NFAT5: variants seen among roughly 807,000 people sequenced by gnomAD.
The protein encoded by NFAT5 is nuclear factor of activated T cells 5.
NFAT5 carries 31 observed loss-of-function variants against 166.5 expected under a neutral mutation model. The ratio of observed to expected loss-of-function variants is 0.19; its 90% CI spans 0.14 to 0.25. NFAT5 has a LOEUF of 0.25. NFAT5 is among the 10% of genes least tolerant of loss of function. The pLI, the probability that NFAT5 is intolerant of heterozygous loss-of-function variation, is 1.00. For missense variants in NFAT5, 1,449 were observed against 1,821.8 expected (o/e 0.80, Z 3.72); for synonymous variants, 612 against 639.7 (o/e 0.96, Z 0.65).
intron 5 of NFAT5, 141 bp from the exon 6 acceptor site, chr16:69,655,468 A>G (rs1315237605): frequency 5.7e-5 from 32 of 561,844 alleles, no homozygotes; most frequent in Admixed American, 4.0e-5. Flanking sequence ...AAAATGTTTT[A>G]TCTCTATTTT....
chr16:69,568,338 A>ATGTGTG (rs1567505195), intron 1 of NFAT5, among the ~76,000 whole-genome samples, 157 bp from the exon 2 acceptor site: 3 of 35,246 alleles, frequency 8.5e-5, no homozygotes, highest in African/African-American at 6.4e-4. Context: ...ATGTGTGTAT[A>ATGTGTG]TATATATATG....
intron 1 of NFAT5, among the ~76,000 whole-genome samples, chr16:69,567,339 A>G (rs1489681846): frequency 6.6e-6 from 1 of 152,210 alleles, no homozygotes; most frequent in Non-Finnish European, 1.5e-5. Context: ...CACCACAAGA[A>G]TGTGTCAGAA....
chr16:69,614,295 C>G (rs1273027072), intron 2 of NFAT5, among the ~76,000 whole-genome samples: 1 of 152,114 alleles, frequency 6.6e-6, no homozygotes, highest in Non-Finnish European at 1.5e-5. Context: ...GCTGCGATTA[C>G]AGGCACGAGC....
rs56221116 is a variant in NFAT5 at position 69,571,129 on chromosome 16, T to TAAAAAAAAAAAAAA, written c.127+2596_127+2609dup. Among the ~76,000 whole-genome samples the TAAAAAAAAAAAAAA allele has an allele frequency of 4.8e-4, 15 of 31,382 alleles. 5 individuals are homozygous for TAAAAAAAAAAAAAA. The highest frequency in any genetic ancestry group is 1.2e-3 in the African/African-American group (15 of 12,574). The allele number at this position is 31,382 out of a possible 152,430, so 20.6% of individuals were successfully genotyped here. A position where few individuals can be genotyped will look rare whatever the true frequency, so the allele number is the denominator to read the frequency against. On this transcript the variant is annotated intron_variant, in intron 2 of 14. Transcript: ENST00000349945. The stretch of plus-strand genomic sequence containing the variant: ...TAACATGGTGAAACCCCATCTCTAC[T>TAAAAAAAAAAAAAA]AAAAAAAAAAAAAAAAAAAAAAAAA...
chr16:69,656,039 T>C (rs2035861292), intron 6 of NFAT5, among the ~76,000 whole-genome samples: 1 of 152,080 alleles, frequency 6.6e-6, no homozygotes, highest in Non-Finnish European at 1.5e-5. Flanking sequence ...CCAGTGCTTT[T>C]GGAGTCTGAG....
At chr16:69,606,386 G>C (rs951682501) in intron 2 of NFAT5, among the ~76,000 whole-genome samples, 1 of 152,158 alleles carries the variant, frequency 6.6e-6, no homozygotes, top group Non-Finnish European at 1.5e-5. Flanking sequence ...TTTCCTTGTG[G>C]ATTTAGTATT....
chr16:69,638,035 A>G (rs1474087860), intron 3 of NFAT5, among the ~76,000 whole-genome samples: 2 of 152,082 alleles, frequency 1.3e-5, no homozygotes, highest in Non-Finnish European at 2.9e-5. Flanking sequence ...TCTGGCCAAC[A>G]TGATGAAACC....
intron 11 of NFAT5, among the ~76,000 whole-genome samples, chr16:69,688,591 A>C (rs1475147306): frequency 6.6e-6 from 1 of 151,396 alleles, no homozygotes; most frequent in East Asian, 1.9e-4. Context: ...AGGCTGGCGA[A>C]CTCCTGACCT....
intron 2 of NFAT5, among the ~76,000 whole-genome samples, chr16:69,599,402 C>A (rs1283068804): frequency 1.3e-5 from 2 of 152,002 alleles, no homozygotes; most frequent in African/African-American, 4.8e-5. Context: ...TATGGTGAAA[C>A]CCTGTCTCTC....
At chr16:69,684,029 G>A (rs1284629542) in intron 10 of NFAT5, among the ~76,000 whole-genome samples, 1 of 151,984 alleles carries the variant, frequency 6.6e-6, no homozygotes, top group Non-Finnish European at 1.5e-5. Context: ...AACCCGGGAG[G>A]TGGAGGTTGC....
At chr16:69,571,969 A>T (rs902020999) in intron 2 of NFAT5, among the ~76,000 whole-genome samples, 1 of 151,962 alleles carries the variant, frequency 6.6e-6, no homozygotes, top group African/African-American at 2.4e-5. Flanking sequence ...TCACCATATT[A>T]GCCAGGATGG....
At chr16:69,595,658 C>T (rs985595837) in intron 2 of NFAT5, among the ~76,000 whole-genome samples, 5 of 152,074 alleles carry the variant, frequency 3.3e-5, no homozygotes, top group African/African-American at 1.2e-4. Context: ...TCATTCTTAC[C>T]GTAGATCTTA....
rs376903045 is a variant in NFAT5, at chr16:69,663,380, A to G, written c.1369+3481A>G. ...CATGTTCTCCAGACAATATAGGTGTATATGTTTTTTGTTTTGGTATGTATG... is the reference window on the plus strand; with the variant it reads ...CATGTTCTCCAGACAATATAGGTGTGTATGTTTTTTGTTTTGGTATGTATG... On this transcript the variant is annotated intron_variant, in intron 7 of 14. Coordinates refer to ENST00000349945, the MANE Select transcript of NFAT5 (RefSeq NM_138713.4). Among the ~76,000 whole-genome samples the G allele has an allele frequency of 3.3e-5, 5 of 152,216 alleles. No homozygotes were observed. In the South Asian group the frequency reaches 8.3e-4, roughly 25 times the overall value.
intron 9 of NFAT5, among the ~76,000 whole-genome samples, chr16:69,671,137 C>T (rs1490742408): frequency 2.6e-5 from 4 of 152,114 alleles, no homozygotes; most frequent in African/African-American, 9.7e-5. Context: ...AAATTTAAAA[C>T]ATATATCCAA....
intron 3 of NFAT5, among the ~76,000 whole-genome samples, chr16:69,630,144 C>A (rs537944626): frequency 1.3e-5 from 2 of 152,016 alleles, no homozygotes; most frequent in East Asian, 3.9e-4. Flanking sequence ...ATTGTGTTGG[C>A]CAGGCTGATC....
chr16:69,617,879 G>A (rs896845644), intron 2 of NFAT5, among the ~76,000 whole-genome samples: 23 of 152,160 alleles, frequency 1.5e-4, no homozygotes, highest in Admixed American at 8.5e-4. Flanking sequence ...GTGGAAGGCC[G>A]GGCACGGTGG....
intron 2 of NFAT5, among the ~76,000 whole-genome samples, chr16:69,586,023 T>C (rs886568517): frequency 3.9e-5 from 6 of 152,176 alleles, no homozygotes; most frequent in Admixed American, 1.3e-4. Flanking sequence ...ATGTATAATT[T>C]ACTGCAATTA....
intron 2 of NFAT5, among the ~76,000 whole-genome samples, chr16:69,597,190 A>G (rs1163243947): frequency 1.3e-5 from 2 of 152,136 alleles, no homozygotes; most frequent in Non-Finnish European, 2.9e-5. Context: ...AGAGCTAGAG[A>G]AGAGGGAAGG....
At position 69,691,831 on chromosome 16, in the gene NFAT5, C is replaced by A; in HGVS notation, c.2006C>A (p.Ser669Ter). The change falls in exon 13 of 15, where the codon TCA (serine) becomes TAA (stop). Residue 669 changes from serine to a stop codon, truncating the protein, a stop_gained. Transcript: ENST00000349945. LOFTEE classifies it high-confidence loss of function. ...GGAAATGGCTCTTTTTCATCACCAT[C>A]ATCTTCCCACCTACCTTCTGAAAAT... ...IAGNGSFSSPSSSHLPSENEK... is the reference protein window; with the variant it reads ...IAGNGSFSSP 6.2e-7 allele frequency: 1 copy of A among 1,614,136 alleles called. No individual in the cohort carries two copies. Among genetic ancestry groups the A allele is most frequent in the Non-Finnish European group, 8.5e-7 (1 of 1,180,010 alleles).
Sources: gnomAD v4.1 joint callset for allele counts (sites outside exome capture counted in the v4.1 genomes callset) on GRCh38, gnomAD v4.1.1 for gene constraint, MANE v1.5 for transcripts, NCBI Gene and HGNC (gene_info 2026-07-23, HGNC 2026-07-21) for gene names.